The following GDPD3 variants were observed in gnomAD, a reference collection of about 807,000 sequenced individuals.
GDPD3 encodes lysophospholipase D GDPD3.
Under a neutral mutation model 43.7 loss-of-function variants are expected in GDPD3, and 40 were observed. The observed-to-expected ratio is 0.91, with a 90% confidence interval of 0.71 to 1.19. The LOEUF (loss-of-function observed/expected upper bound fraction) is 1.19. Ranked by LOEUF, GDPD3 falls within the 50% of genes most tolerant of loss-of-function variation. The probability of loss-of-function intolerance (pLI) is 0.00; values close to 1 mark genes in which losing one functional copy is unlikely to be tolerated. For synonymous variants in GDPD3, 145 were observed against 162.9 expected (o/e 0.89, Z 0.84); for missense variants, 363 against 415.8 (o/e 0.87, Z 1.11).
chr16:30,108,191 G>C (rs1171888374), intron 9 of GDPD3, 22 bp downstream of exon 9: 1 of 1,568,152 alleles, frequency 6.4e-7, no homozygotes, highest in East Asian at 2.3e-5. Context: ...GTGTGCGGTG[G>C]AAGTGGTGGT....
In GDPD3 at chr16:30,112,847, A is replaced by T; in HGVS notation, c.183-54T>A. The T allele has an allele frequency of 6.3e-7, 1 of 1,585,306 alleles. No homozygotes were observed. The highest frequency in any genetic ancestry group is 2.2e-5 in the East Asian group (1 of 44,710). The stretch of plus-strand genomic sequence containing the variant: ...GGGGCAGGGGACTGGGATGAGGGGC[A>T]TGGTGGCTGGGAGGTGGCCGGGAAT... On this transcript the variant is annotated intron_variant, in intron 2 of 9. Coordinates refer to ENST00000406256, the MANE Select transcript of GDPD3 (RefSeq NM_024307.3). This position sits in a 1 kb window ranked among gnomAD's most constrained non-coding sequence, Gnocchi z 5.4.
Position 30,104,886 on chromosome 16 carries a change from C to A in GDPD3, c.943G>T (p.Ala315Ser), listed in dbSNP as rs1162820486. ...RHYLDNHGPAARTS is the reference protein window; with the variant it reads ...RHYLDNHGPASRTS ...GGCTTCTGGACTTAGGAGGTCCGGGCAGCTGGTCCATGGTTGTCCAGGTAG... is the reference window on the plus strand; with the variant it reads ...GGCTTCTGGACTTAGGAGGTCCGGGAAGCTGGTCCATGGTTGTCCAGGTAG... Residue 315 changes from alanine (A) to serine (S), a missense_variant, in exon 10 of 10, where the codon GCC becomes TCC. Physicochemically the swap from Ala to Ser is moderately conservative, Grantham distance 99. Coordinates refer to ENST00000406256, the MANE Select transcript of GDPD3 (RefSeq NM_024307.3). 2.5e-6 allele frequency: 4 copies of A among 1,612,516 alleles called. No homozygotes were observed. Among genetic ancestry groups the A allele is most frequent in the Non-Finnish European group, 3.4e-6 (4 of 1,179,990 alleles).
Position 30,112,431 on chromosome 16 carries a change from G to A in GDPD3, c.365-7C>T, listed in dbSNP as rs778611106. ...GACCCGTGAGCAAAGTGGCCTGGGGGTGGTGTGGGAAAAGGGGTCAGAGGG... is the reference window on the plus strand; with the variant it reads ...GACCCGTGAGCAAAGTGGCCTGGGGATGGTGTGGGAAAAGGGGTCAGAGGG... On this transcript the variant is annotated splice_polypyrimidine_tract_variant and splice_region_variant and intron_variant, in intron 4 of 9. Coordinates refer to ENST00000406256, the MANE Select transcript of GDPD3 (RefSeq NM_024307.3). The surrounding 1 kb of genome is among the most constrained non-coding windows in gnomAD (Gnocchi z 5.4). 1 of 1,614,194 alleles carries A rather than the reference G, an allele frequency of 6.2e-7. No individual in the cohort carries two copies. Among genetic ancestry groups the A allele is most frequent in the East Asian group, 2.2e-5 (1 of 44,882 alleles).
chr16:30,112,512 C>G lies in GDPD3; in HGVS notation c.364+11G>C, dbSNP rs371568180. The G allele has an allele frequency of 6.2e-7, 1 of 1,614,034 alleles. No homozygotes were observed. The highest frequency in any genetic ancestry group is 1.3e-5 in the African/African-American group (1 of 74,924). On this transcript the variant is annotated intron_variant, in intron 4 of 9. Transcript: ENST00000406256. This position sits in a 1 kb window ranked among gnomAD's most constrained non-coding sequence, Gnocchi z 5.4. ...CATGGCCCAGGCAGGGCTCGAAGCC[C>G]TTGCTCTCACCTGGAGAGAAGTAAA...
At chr16:30,105,754 C>T (rs527477139) in intron 9 of GDPD3, among the ~76,000 whole-genome samples, 57 of 149,664 alleles carry the variant, frequency 3.8e-4, no homozygotes, top group Admixed American at 1.5e-3. Flanking sequence ...CCACCCGCCT[C>T]GGCCTCCCAA....
rs61764623 is a variant in GDPD3 at position 30,108,295 on chromosome 16, T to C, written c.768-31A>G. 1,035 of 1,612,410 alleles carry C rather than the reference T, an allele frequency of 6.4e-4. 7 individuals carry two copies. In the African/African-American group the frequency reaches 0.012, roughly 18 times the overall value. On this transcript the variant is annotated intron_variant, in intron 8 of 9. Coordinates refer to ENST00000406256, the MANE Select transcript of GDPD3 (RefSeq NM_024307.3). ...GGTGGGGTGGGGACGTGGGAGGTGATGATGAGAGGGGACCTGGGAGAAGGG... is the reference window on the plus strand; with the variant it reads ...GGTGGGGTGGGGACGTGGGAGGTGACGATGAGAGGGGACCTGGGAGAAGGG...
intron 9 of GDPD3, among the ~76,000 whole-genome samples, chr16:30,105,520 T>A (rs1040092152): frequency 1.5e-4 from 22 of 150,678 alleles, no homozygotes; most frequent in Admixed American, 2.0e-4. Context: ...TTATTTATTT[T>A]TTGAGATGGA....
intron 7 of GDPD3, among the ~76,000 whole-genome samples, chr16:30,108,925 G>A (rs2072879359): frequency 6.6e-6 from 1 of 151,714 alleles, no homozygotes; most frequent in Non-Finnish European, 1.5e-5. Context: ...TCCGCCTCCT[G>A]GGTTCACACC....
intron 7 of GDPD3, among the ~76,000 whole-genome samples, chr16:30,110,263 T>G (rs2072889538): frequency 6.6e-6 from 1 of 151,634 alleles, no homozygotes; most frequent in Non-Finnish European, 1.5e-5. Context: ...ACCCCATCTC[T>G]ACTAAAAACA....
intron 9 of GDPD3, among the ~76,000 whole-genome samples, chr16:30,106,155 A>G (rs2072859639): frequency 6.6e-6 from 1 of 152,008 alleles, no homozygotes; most frequent in Admixed American, 6.6e-5. Flanking sequence ...ACAAACAAAA[A>G]TCCAGTAATA....
rs181297519 is a variant in GDPD3 at position 30,107,787 on chromosome 16, C to T, written c.819+426G>A. The T allele has an allele frequency of 3.1e-4, 48 of 154,556 alleles. No individual in the cohort carries two copies. The East Asian group carries it at 8.9e-3, about 29-fold the overall frequency. The allele number at this position is 154,556 out of a possible 1,614,324, so 9.6% of individuals were successfully genotyped here. A position where few individuals can be genotyped will look rare whatever the true frequency, so the allele number is the denominator to read the frequency against. On this transcript the variant is annotated intron_variant, in intron 9 of 9. Transcript: ENST00000406256. ...GGTGGATCACTTGAGGCCAGGAGTT[C>T]GAGACCAGCCTGGCCAACATGGTGC...
intron 8 of GDPD3, 42 bp from the exon 9 acceptor site, chr16:30,108,306 G>A (rs2072874737): frequency 6.2e-7 from 1 of 1,612,586 alleles, no homozygotes; most frequent in African/African-American, 1.3e-5. Context: ...GATGAGAGGG[G>A]ACCTGGGAGA....
At position 30,112,861 on chromosome 16, in the gene GDPD3, G is replaced by A. The variant is rs1212240673; in HGVS notation, c.183-68C>T. On this transcript the variant is annotated intron_variant, in intron 2 of 9. Transcript: ENST00000406256. The surrounding 1 kb of genome is among the most constrained non-coding windows in gnomAD (Gnocchi z 5.4). ...GGATGAGGGGCATGGTGGCTGGGAG[G>A]TGGCCGGGAATGTGAGAGCGGAGTT... The A allele has an allele frequency of 2.5e-6, 4 of 1,571,050 alleles. No individual in the cohort carries two copies. The African/African-American group carries it at 5.4e-5, about 21-fold the overall frequency.
chr16:30,110,961 C>A (rs1413189388), intron 7 of GDPD3: 1 of 154,318 alleles, frequency 6.5e-6, no homozygotes, highest in African/African-American at 2.4e-5. Context: ...ACTTTGTTAA[C>A]CCCTGCCTTC....
chr16:30,106,727 G>C (rs2072863393), intron 9 of GDPD3, among the ~76,000 whole-genome samples: 1 of 151,966 alleles, frequency 6.6e-6, no homozygotes, highest in South Asian at 2.1e-4. Context: ...ATTTATTTTT[G>C]AGACAGTCTT....
chr16:30,105,755 G>A (rs1013703038), intron 9 of GDPD3, among the ~76,000 whole-genome samples: 1 of 149,066 alleles, frequency 6.7e-6, no homozygotes, highest in Non-Finnish European at 1.5e-5. Flanking sequence ...CACCCGCCTC[G>A]GCCTCCCAAA....
intron 9 of GDPD3, among the ~76,000 whole-genome samples, chr16:30,107,221 C>G (rs549011847): frequency 1.3e-5 from 2 of 152,176 alleles, no homozygotes; most frequent in Non-Finnish European, 2.9e-5. Flanking sequence ...ATCCTCCCAT[C>G]TCAGCCTCCT....
chr16:30,111,375 C>T lies in GDPD3; in HGVS notation c.707+13G>A, dbSNP rs2072897646. The T allele has an allele frequency of 6.2e-7, 1 of 1,613,096 alleles. No individual in the cohort carries two copies. Among genetic ancestry groups the T allele is most frequent in the Admixed American group, 1.7e-5 (1 of 59,870 alleles). Reference sequence around the variant, plus strand: ...AGTGGGGAGTTTTTCTGAGGTCCGCCCCCCACTGGTACCTGTTGATGATGT... The same window carrying T: ...AGTGGGGAGTTTTTCTGAGGTCCGCTCCCCACTGGTACCTGTTGATGATGT... On this transcript the variant is annotated intron_variant, in intron 7 of 9. Coordinates refer to ENST00000406256, the MANE Select transcript of GDPD3 (RefSeq NM_024307.3).
At position 30,113,117 on chromosome 16, in the gene GDPD3, C is replaced by T. The variant is rs1040444922; in HGVS notation, c.140-53G>A. 6 of 1,510,942 alleles carry T rather than the reference C, an allele frequency of 4.0e-6. No homozygotes were observed. The highest frequency in any genetic ancestry group is 4.6e-6 in the Non-Finnish European group (5 of 1,093,690). The allele number at this position is 1,510,942 out of a possible 1,614,324, so 93.6% of individuals were successfully genotyped here. A position where few individuals can be genotyped will look rare whatever the true frequency, so the allele number is the denominator to read the frequency against. On this transcript the variant is annotated intron_variant, in intron 1 of 9. Coordinates refer to ENST00000406256, the MANE Select transcript of GDPD3 (RefSeq NM_024307.3). This position sits in a 1 kb window ranked among gnomAD's most constrained non-coding sequence, Gnocchi z 5.9. ...GGGGCTTGGGGTCTAGGGGCCTGGC[C>T]CAACCTCATCACCCACATTCCCTCT...
Sources: allele counts gnomAD v4.1 joint callset (sites outside exome capture counted in the v4.1 genomes callset), GRCh38; gene constraint gnomAD v4.1.1; non-coding constraint Gnocchi (gnomAD v3.1); transcripts MANE v1.5; gene names NCBI Gene and HGNC (gene_info 2026-07-23, HGNC 2026-07-21).